COG5: variants seen among roughly 807,000 people sequenced by gnomAD.
The protein encoded by COG5 is component of oligomeric golgi complex 5, also known as conserved oligomeric Golgi complex subunit 5.
Under a neutral mutation model 110.4 loss-of-function variants are expected in COG5, and 86 were observed. The ratio of observed to expected loss-of-function variants is 0.78; its 90% CI spans 0.65 to 0.93. The LOEUF (loss-of-function observed/expected upper bound fraction) is 0.93, where lower values mean the gene tolerates loss of function less well. Among genes scored for constraint, COG5 ranks in the 40% least tolerant of loss-of-function variants. The pLI is 0.00. For missense variants in COG5, 1,077 were observed against 987.0 expected, an observed-to-expected ratio of 1.09 and a Z score of -1.22; for synonymous variants, 360 against 334.6, an observed-to-expected ratio of 1.08 and a Z score of -0.83.
At chr7:107,384,265 T>C (rs1815373050) in intron 7 of COG5, among the ~76,000 whole-genome samples, 1 of 152,084 alleles carries the variant, frequency 6.6e-6, no homozygotes, top group Non-Finnish European at 1.5e-5. Flanking sequence ...AGATCAGTCT[T>C]CATCTTTACC....
chr7:107,321,676 T>G (rs1562967553), intron 11 of COG5, among the ~76,000 whole-genome samples: 1 of 152,158 alleles, frequency 6.6e-6, no homozygotes. Flanking sequence ...AGGCAGAGAA[T>G]AATGTTTTGG....
intron 12 of COG5, among the ~76,000 whole-genome samples, chr7:107,286,149 C>T (rs1017276774): frequency 6.6e-6 from 1 of 152,084 alleles, no homozygotes; most frequent in African/African-American, 2.4e-5. Context: ...GAGGAAAGAA[C>T]AGCAAGTACA....
In COG5 at chr7:107,236,445, T is replaced by G; in HGVS notation, c.2091+5A>C. The G allele has an allele frequency of 1.9e-6, 3 of 1,602,158 alleles. No homozygotes were observed. The highest frequency in any genetic ancestry group is 2.6e-6 in the Non-Finnish European group (3 of 1,169,060). ...TTTTTCTTTTGTAGTAATTCATCAATGTACCTGTGCAAAATCAGCAGCAAG... is the reference window on the plus strand; with the variant it reads ...TTTTTCTTTTGTAGTAATTCATCAAGGTACCTGTGCAAAATCAGCAGCAAG... On this transcript the variant is annotated splice_donor_5th_base_variant and intron_variant, in intron 18 of 21. Coordinates refer to ENST00000297135, the MANE Select transcript of COG5 (RefSeq NM_006348.5).
At position 107,415,841 on chromosome 7, in the gene COG5, T is replaced by TATATATACACACATACAC. The variant is rs1563021262; in HGVS notation, c.539-3210_539-3209insGTGTATGTGTGTATATAT. ...ACATACACGTATGTATGTATGTGTG[T>TATATATACACACATACAC]GTATATATACACACACATACACGTA... On this transcript the variant is annotated intron_variant, in intron 6 of 21. Transcript: ENST00000297135. Among the ~76,000 whole-genome samples, 66 of 79,400 alleles carry TATATATACACACATACAC rather than the reference T, an allele frequency of 8.3e-4. 8 individuals carry two copies. The highest frequency in any genetic ancestry group is 3.6e-3 in the African/African-American group (66 of 18,382). The allele number at this position is 79,400 out of a possible 152,430, so 52.1% of individuals were successfully genotyped here. A position where few individuals can be genotyped will look rare whatever the true frequency, so the allele number is the denominator to read the frequency against.
At chr7:107,248,562 A>T in intron 16 of COG5, 63 bp from the exon 17 acceptor site, 6 of 1,116,668 alleles carry the variant, frequency 5.4e-6, no homozygotes, top group Non-Finnish European at 8.0e-6. Context: ...ACCCAAAGAA[A>T]TTTGAGATGT....
chr7:107,416,910 T>G (rs1792888629), intron 6 of COG5, among the ~76,000 whole-genome samples: 1 of 152,064 alleles, frequency 6.6e-6, no homozygotes. Context: ...ATTTTAGAAG[T>G]CAGAGGAATA....
rs953588412 is a variant in COG5 at position 107,530,601 on chromosome 7, C to CAAAA, written c.418-3248_418-3245dup. Among the ~76,000 whole-genome samples, 442 of 47,674 alleles carry CAAAA rather than the reference C, an allele frequency of 9.3e-3. 27 individuals carry two copies. Among genetic ancestry groups the CAAAA allele is most frequent in the African/African-American group, 0.032 (405 of 12,488 alleles). 31.3% of individuals were successfully genotyped at this position (47,674 alleles called of 152,430 possible). A position where few individuals can be genotyped will look rare whatever the true frequency, so the allele number is the denominator to read the frequency against. On this transcript the variant is annotated intron_variant, in intron 5 of 21. Transcript: ENST00000297135. ...GGGCAACAAGAGCGAAACTCCATCT[C>CAAAA]AAAAAAAAAAAAAAAAAAAAAAAAA... is the stretch of plus-strand genomic sequence containing the variant.
intron 5 of COG5, among the ~76,000 whole-genome samples, chr7:107,530,614 A>C (rs180960833): frequency 1.6e-3 from 237 of 149,664 alleles, no homozygotes; most frequent in African/African-American, 5.6e-3. Context: ...AAAAAAAAAA[A>C]AAAAAAAAAA....
chr7:107,442,150 T>C (rs957792871), intron 6 of COG5, among the ~76,000 whole-genome samples: 2 of 152,042 alleles, frequency 1.3e-5, no homozygotes, highest in Non-Finnish European at 2.9e-5. Flanking sequence ...CATCCCCCCC[T>C]GTTCTTGTGA....
At chr7:107,326,525 A>T (rs1179180116) in intron 10 of COG5, among the ~76,000 whole-genome samples, 1 of 152,190 alleles carries the variant, frequency 6.6e-6, no homozygotes, top group Non-Finnish European at 1.5e-5. Flanking sequence ...AGCCAGAAAA[A>T]AATGAAGAAA....
chr7:107,526,984 T>C (rs771292243), intron 6 of COG5, among the ~76,000 whole-genome samples: 1 of 152,148 alleles, frequency 6.6e-6, no homozygotes, highest in Non-Finnish European at 1.5e-5. Flanking sequence ...AATCTGTATA[T>C]GTATTAAAAT....
At chr7:107,325,702 C>G (rs992651961) in intron 10 of COG5, among the ~76,000 whole-genome samples, 3 of 152,010 alleles carry the variant, frequency 2.0e-5, no homozygotes, top group Non-Finnish European at 4.4e-5. Flanking sequence ...AATAAAATAT[C>G]TCTAATGTTA....
chr7:107,241,772 A>G (rs1801657117), intron 17 of COG5, among the ~76,000 whole-genome samples: 1 of 151,546 alleles, frequency 6.6e-6, no homozygotes, highest in African/African-American at 2.4e-5. Context: ...ATATTTTTTA[A>G]AATAGAGACT....
chr7:107,553,925 A>G (rs1803106422), intron 3 of COG5, among the ~76,000 whole-genome samples: 1 of 152,196 alleles, frequency 6.6e-6, no homozygotes, highest in African/African-American at 2.4e-5. Flanking sequence ...AATCCTCAGA[A>G]CAATGCTGTG....
chr7:107,269,733 T>A (rs1403779455), intron 14 of COG5, among the ~76,000 whole-genome samples: 1 of 152,216 alleles, frequency 6.6e-6, no homozygotes, highest in African/African-American at 2.4e-5. Context: ...TTACTTATTA[T>A]TACTTCCTGC....
chr7:107,524,388 T>C (rs1037762650), intron 6 of COG5, among the ~76,000 whole-genome samples: 2 of 152,218 alleles, frequency 1.3e-5, no homozygotes, highest in East Asian at 3.8e-4. Context: ...TTTGAAACAT[T>C]GCTTTTAAGT....
Position 107,450,524 on chromosome 7 carries a change from T to C in COG5, c.539-37892A>G, listed in dbSNP as rs111388929. Among the ~76,000 whole-genome samples the C allele has an allele frequency of 6.6e-5, 10 of 152,326 alleles. 3 individuals are homozygous for C. Among genetic ancestry groups the C allele is most frequent in the African/African-American group, 2.4e-4 (10 of 41,568 alleles). ...AAAATCATTGAAGAGAAAGGATATA[T>C]GCCTGAACAGGTTTTTAATGTGGAC... is the stretch of plus-strand genomic sequence containing the variant. On this transcript the variant is annotated intron_variant, in intron 6 of 21. Coordinates refer to ENST00000297135, the MANE Select transcript of COG5 (RefSeq NM_006348.5).
chr7:107,270,121 A>G (rs551300555), intron 14 of COG5, among the ~76,000 whole-genome samples: 3 of 152,148 alleles, frequency 2.0e-5, no homozygotes, highest in Middle Eastern at 3.4e-3. Context: ...CATTGTGATC[A>G]CTCCCTCTGA....
intron 6 of COG5, among the ~76,000 whole-genome samples, chr7:107,434,937 T>C (rs1229695268): frequency 6.7e-6 from 1 of 149,144 alleles, no homozygotes; most frequent in African/African-American, 2.5e-5. Flanking sequence ...GCCACTGCAC[T>C]CCAACCTGGA....
Sources: gnomAD v4.1 joint callset for allele counts (sites outside exome capture counted in the v4.1 genomes callset) on GRCh38, gnomAD v4.1.1 for gene constraint, MANE v1.5 for transcripts, NCBI Gene and HGNC (gene_info 2026-07-23, HGNC 2026-07-21) for gene names.